The following WWC2 variants were observed in gnomAD, a reference collection of about 807,000 sequenced individuals.
WWC2 encodes the protein WW and C2 domain containing 2, also known as protein WWC2.
Under a neutral mutation model 138.5 loss-of-function variants are expected in WWC2, and 101 were observed. The ratio of observed to expected loss-of-function variants is 0.73; its 90% CI spans 0.62 to 0.86. The LOEUF is 0.86. WWC2 is among the 40% of genes least tolerant of loss of function. The pLI, the probability that WWC2 is intolerant of heterozygous loss-of-function variation, is 0.00. For synonymous variants in WWC2, 558 were observed against 538.4 expected (o/e 1.04, Z -0.50); for missense variants, 1,420 against 1,419.4 (o/e 1.00, Z -0.01).
At chr4:183,228,799 GTGTT>G (rs576670079) in intron 4 of WWC2, among the ~76,000 whole-genome samples, 4 of 152,172 alleles carry the variant, frequency 2.6e-5, no homozygotes, top group Non-Finnish European at 5.9e-5. Flanking sequence ...CTAGAGTAGA[GTGTT>G]TGTAGTGTGT....
chr4:183,216,592 G>T (rs1735763474), intron 4 of WWC2, among the ~76,000 whole-genome samples: 1 of 152,166 alleles, frequency 6.6e-6, no homozygotes, highest in African/African-American at 2.4e-5. Flanking sequence ...CAGACTTCAG[G>T]TAACAGTAGA....
At chr4:183,209,080 G>C in intron 4 of WWC2, 55 bp downstream of exon 4, 1 of 1,271,214 alleles carries the variant, frequency 7.9e-7, no homozygotes, top group Admixed American at 2.1e-5. Flanking sequence ...GAGTCTGAAG[G>C]CTGTGGAAGG....
chr4:183,104,953 C>A (rs1018532703), intron 1 of WWC2, among the ~76,000 whole-genome samples: 1 of 152,132 alleles, frequency 6.6e-6, no homozygotes, highest in African/African-American at 2.4e-5. Flanking sequence ...GTCGCCCAGG[C>A]GGGAGTGCAG....
chr4:183,123,083 A>T (rs1732653258), intron 1 of WWC2, among the ~76,000 whole-genome samples: 1 of 152,144 alleles, frequency 6.6e-6, no homozygotes, highest in Non-Finnish European at 1.5e-5. Flanking sequence ...GTGTGAGTTG[A>T]TATTACTACT....
intron 15 of WWC2, chr4:183,269,402 C>A (rs777607693): frequency 1.5e-6 from 1 of 648,444 alleles, no homozygotes; most frequent in Non-Finnish European, 2.9e-6. Flanking sequence ...CTTTCTATTT[C>A]TACCTTTTCA....
At chr4:183,272,820 T>C (rs573413779) in intron 16 of WWC2, among the ~76,000 whole-genome samples, 6 of 152,266 alleles carry the variant, frequency 3.9e-5, no homozygotes, top group Non-Finnish European at 7.3e-5. Context: ...AATATTCTAT[T>C]GTGGATGTAC....
intron 1 of WWC2, among the ~76,000 whole-genome samples, chr4:183,100,563 C>T (rs1004772966): frequency 5.3e-5 from 8 of 152,284 alleles, no homozygotes; most frequent in African/African-American, 1.9e-4. Flanking sequence ...GACATTTGGA[C>T]TTTTGTCATT....
At chr4:183,132,418 A>G (rs1424333186) in intron 1 of WWC2, among the ~76,000 whole-genome samples, 2 of 151,330 alleles carry the variant, frequency 1.3e-5, no homozygotes, top group African/African-American at 2.4e-5. Flanking sequence ...CTTTTTTTTA[A>G]TATACGGGTG....
intron 4 of WWC2, among the ~76,000 whole-genome samples, chr4:183,232,164 A>G (rs1736264604): frequency 6.6e-6 from 1 of 152,224 alleles, no homozygotes; most frequent in African/African-American, 2.4e-5. Context: ...TTTAATTGGT[A>G]TGTAATGACA....
chr4:183,168,828 T>C (rs553059112), intron 1 of WWC2, among the ~76,000 whole-genome samples: 1 of 152,314 alleles, frequency 6.6e-6, no homozygotes, highest in East Asian at 1.9e-4. Context: ...ATATGAAATG[T>C]CATTTTATGG....
chr4:183,103,422 G>A lies in WWC2; in HGVS notation c.131+3800G>A, dbSNP rs191182774. On this transcript the variant is annotated intron_variant, in intron 1 of 22. Coordinates refer to ENST00000403733, the MANE Select transcript of WWC2 (RefSeq NM_024949.6). ...GATCTCGGCTTACTGCGGCTCCCGG[G>A]TTCAAGCGATTCTCCTGTCTCAGCC... Among the ~76,000 whole-genome samples the A allele has an allele frequency of 3.1e-3, 472 of 151,146 alleles. 2 individuals carry two copies. The highest frequency in any genetic ancestry group is 0.014 in the Middle Eastern group (4 of 294).
chr4:183,311,252 T>C (rs1739206305), intron 21 of WWC2, among the ~76,000 whole-genome samples: 2 of 152,234 alleles, frequency 1.3e-5, no homozygotes, highest in South Asian at 4.1e-4. Flanking sequence ...TACCCAAATG[T>C]TCATTATTAC....
chr4:183,305,631 A>G (rs1019127220), intron 21 of WWC2, among the ~76,000 whole-genome samples: 5 of 152,202 alleles, frequency 3.3e-5, no homozygotes, highest in Admixed American at 6.5e-5. Context: ...TAAGAGGAAA[A>G]AGAAACCAAC....
At chr4:183,211,766 C>T (rs986496554) in intron 4 of WWC2, among the ~76,000 whole-genome samples, 2 of 152,124 alleles carry the variant, frequency 1.3e-5, no homozygotes, top group Non-Finnish European at 2.9e-5. Flanking sequence ...TGGGCAAATA[C>T]CTCAAAAGCA....
At chr4:183,261,765 TTGTCCAGAGACACTCTG>T (rs773254209) in intron 11 of WWC2, among the ~76,000 whole-genome samples, 4 of 152,358 alleles carry the variant, frequency 2.6e-5, no homozygotes, top group Non-Finnish European at 5.9e-5. Context: ...ACCTGCTCAG[TTGTCCAGAGACACTCTG>T]TGTGTGGTAG....
Position 183,280,887 on chromosome 4 carries a change from G to C in WWC2, c.2674G>C (p.Asp892His). The change falls in exon 17 of 23, where the codon GAT becomes CAT. Residue 892 changes from aspartate to histidine, a missense_variant. Asp to His is a moderately conservative substitution (Grantham distance 81, BLOSUM62 -1). Transcript: ENST00000403733. ...AGGACAAGAAGAGCCAAGGGGCCCA[G>C]ATGGAGACTGGTTAAACACTTATTT... Reference protein sequence around the residue: ...ESGQEEPRGPDGDWLTMLREA... With the variant: ...ESGQEEPRGPHGDWLTMLREA... 1 of 1,565,280 alleles carries C rather than the reference G, an allele frequency of 6.4e-7. No homozygotes were observed. Among genetic ancestry groups the C allele is most frequent in the Non-Finnish European group, 8.7e-7 (1 of 1,154,452 alleles).
intron 4 of WWC2, among the ~76,000 whole-genome samples, chr4:183,213,237 A>G (rs1311076267): frequency 1.3e-5 from 2 of 152,246 alleles, no homozygotes; most frequent in African/African-American, 2.4e-5. Flanking sequence ...TTGACCAGGT[A>G]GCACTTTAGG....
chr4:183,253,727 T>A (rs1252190027), intron 8 of WWC2, 30 bp from the exon 9 acceptor site: 1 of 1,601,650 alleles, frequency 6.2e-7, no homozygotes, highest in Non-Finnish European at 8.5e-7. Context: ...TTTAAGTATG[T>A]GCATACCTCT....
intron 4 of WWC2, among the ~76,000 whole-genome samples, chr4:183,237,029 T>C (rs1227642300): frequency 6.6e-6 from 1 of 152,106 alleles, no homozygotes; most frequent in Non-Finnish European, 1.5e-5. Flanking sequence ...ACACTAGTAC[T>C]AACAACAGCT....
Sources: gnomAD v4.1 joint callset for allele counts (sites outside exome capture counted in the v4.1 genomes callset) on GRCh38, gnomAD v4.1.1 for gene constraint, MANE v1.5 for transcripts, NCBI Gene and HGNC (gene_info 2026-07-23, HGNC 2026-07-21) for gene names.